The following DOCK10 variants were observed in gnomAD, a reference collection of about 807,000 sequenced individuals.
DOCK10 encodes dedicator of cytokinesis 10, also known as dedicator of cytokinesis protein 10.
In DOCK10, 145 loss-of-function variants were observed where a neutral mutation model predicts 280.1. The ratio of observed to expected loss-of-function variants is 0.52; its 90% CI spans 0.45 to 0.59. The LOEUF (loss-of-function observed/expected upper bound fraction) is 0.59, where lower values mean the gene tolerates loss of function less well. Among genes scored for constraint, DOCK10 ranks in the 20% least tolerant of loss-of-function variants. The pLI is 0.00. For missense variants in DOCK10, 2,368 were observed against 2,651.7 expected (o/e 0.89, Z 2.35); for synonymous variants, 915 against 942.2 (o/e 0.97, Z 0.53).
chr2:224,845,266 G>A lies in DOCK10; in HGVS notation c.2418C>T (p.Asn806=). 1 of 1,588,644 alleles carries A rather than the reference G, an allele frequency of 6.3e-7. No individual in the cohort carries two copies. The highest frequency in any genetic ancestry group is 8.6e-7 in the Non-Finnish European group (1 of 1,165,894). ...GAGGCAGACTTGTTGCTATTGGGAT[G>A]TTGTACTCTTGAGAAGCTATCTGAT... ...KHDQIASQEY[N]IPIATSLPPN... Residue 806 remains asparagine (N), a synonymous_variant, in exon 21 of 56, where the codon AAC becomes AAT. Transcript: ENST00000258390.
chr2:224,789,626 G>C (rs1286018896), intron 47 of DOCK10, among the ~76,000 whole-genome samples: 1 of 152,114 alleles, frequency 6.6e-6, no homozygotes, highest in Non-Finnish European at 1.5e-5. Context: ...TGTAATCCCA[G>C]CTACTTAGGA....
At chr2:224,817,233 A>G (rs1405325123) in intron 29 of DOCK10, among the ~76,000 whole-genome samples, 2 of 152,186 alleles carry the variant, frequency 1.3e-5, no homozygotes, top group African/African-American at 4.8e-5. Context: ...TGCCCTTGCA[A>G]ATAGGTCTGT....
chr2:224,821,588 G>A (rs1234960944), intron 28 of DOCK10, among the ~76,000 whole-genome samples: 1 of 151,634 alleles, frequency 6.6e-6, no homozygotes, highest in African/African-American at 2.4e-5. Flanking sequence ...TTAATATTAT[G>A]TGTCAAATAA....
intron 1 of DOCK10, among the ~76,000 whole-genome samples, chr2:225,001,916 T>C (rs1302109692): frequency 2.6e-5 from 4 of 152,114 alleles, no homozygotes; most frequent in Non-Finnish European, 4.4e-5. Flanking sequence ...CTAACCATCT[T>C]CCATAAGGCC....
intron 3 of DOCK10, among the ~76,000 whole-genome samples, chr2:224,902,781 A>G (rs1257293069): frequency 2.0e-5 from 3 of 152,084 alleles, no homozygotes; most frequent in African/African-American, 4.8e-5. Context: ...GCAGTATACA[A>G]ACCAGTTGAA....
chr2:224,981,358 T>G (rs182148272), intron 1 of DOCK10, among the ~76,000 whole-genome samples: 43 of 152,306 alleles, frequency 2.8e-4, no homozygotes, highest in African/African-American at 9.9e-4. Flanking sequence ...GTAACAGGTA[T>G]TTTTCATTCA....
intron 28 of DOCK10, among the ~76,000 whole-genome samples, chr2:224,821,003 A>G (rs1694471341): frequency 6.6e-6 from 1 of 152,242 alleles, no homozygotes; most frequent in African/African-American, 2.4e-5. Context: ...GTATGTTCAG[A>G]TAAGTAGAGC....
Position 224,796,298 on chromosome 2 carries a change from C to T in DOCK10, c.4938+18G>A. 4.1e-6 allele frequency: 6 copies of T among 1,466,220 alleles called. No homozygotes were observed. The highest frequency in any genetic ancestry group is 5.6e-6 in the Non-Finnish European group (6 of 1,070,954). The allele number at this position is 1,466,220 out of a possible 1,614,324, so 90.8% of individuals were successfully genotyped here. On this transcript the variant is annotated intron_variant, in intron 44 of 55. Transcript: ENST00000258390. ...TTTAAAAAAATTCTGCAGTAAAAGC[C>T]CACAAAGCATTTCTTACTTTCATTT...
At chr2:225,027,995 G>T (rs893039910) in intron 1 of DOCK10, among the ~76,000 whole-genome samples, 4 of 152,136 alleles carry the variant, frequency 2.6e-5, no homozygotes, top group Non-Finnish European at 4.4e-5. Flanking sequence ...GCAGTGCCTC[G>T]GGAAGAGTTA....
intron 1 of DOCK10, among the ~76,000 whole-genome samples, chr2:225,034,928 C>T (rs1054228437): frequency 9.2e-5 from 14 of 152,154 alleles, no homozygotes; most frequent in African/African-American, 3.4e-4. Flanking sequence ...TCTCACCCTC[C>T]ACTTGGTAAT....
At chr2:224,979,494 G>C (rs575630861) in intron 1 of DOCK10, among the ~76,000 whole-genome samples, 2 of 152,182 alleles carry the variant, frequency 1.3e-5, no homozygotes, top group Non-Finnish European at 2.9e-5. Flanking sequence ...TGCCTGACAT[G>C]ATCTGACCCC....
In DOCK10 at chr2:224,967,376, A is replaced by G. The variant is rs145368167; in HGVS notation, c.124-35708T>C. On this transcript the variant is annotated intron_variant, in intron 1 of 55. Coordinates refer to ENST00000258390, the MANE Select transcript of DOCK10 (RefSeq NM_014689.3). The stretch of plus-strand genomic sequence containing the variant: ...ATTACAGGCGTGAGCCACCGCGCCC[A>G]GCCGGCCTATCCTCTAGTCTTATCT... Among the ~76,000 whole-genome samples the G allele has an allele frequency of 9.3e-4, 142 of 152,264 alleles. No individual in the cohort carries two copies. In the East Asian group the frequency reaches 0.011, roughly 12 times the overall value.
chr2:224,938,437 G>C (rs928856811), intron 1 of DOCK10, among the ~76,000 whole-genome samples: 1 of 152,142 alleles, frequency 6.6e-6, no homozygotes, highest in Non-Finnish European at 1.5e-5. Context: ...AACACCACAT[G>C]CTAATTCTTT....
At position 224,865,101 on chromosome 2, in the gene DOCK10, A is replaced by G; in HGVS notation, c.1258-14T>C. 2 of 1,610,294 alleles carry G rather than the reference A, an allele frequency of 1.2e-6. No individual in the cohort carries two copies. The highest frequency in any genetic ancestry group is 1.1e-5 in the South Asian group (1 of 90,832). ...AAAAGGCTCAATCTGCATGAAAAAG[A>G]AAGAACAGATGTTTTTGATATAAAA... On this transcript the variant is annotated splice_polypyrimidine_tract_variant and intron_variant, in intron 11 of 55. Transcript: ENST00000258390.
At chr2:224,907,530 A>G (rs926580038) in intron 3 of DOCK10, among the ~76,000 whole-genome samples, 125 of 152,214 alleles carry the variant, frequency 8.2e-4, no homozygotes, top group African/African-American at 2.9e-3. Flanking sequence ...TACTAAAAAT[A>G]CAAAAAAATT....
intron 1 of DOCK10, among the ~76,000 whole-genome samples, chr2:224,962,819 G>C (rs1430511281): frequency 2.0e-5 from 3 of 152,134 alleles, no homozygotes; most frequent in Admixed American, 1.3e-4. Flanking sequence ...CTGGTACCTT[G>C]AAGTTGGAAT....
At chr2:224,913,798 G>A (rs1293540463) in intron 3 of DOCK10, among the ~76,000 whole-genome samples, 1 of 152,106 alleles carries the variant, frequency 6.6e-6, no homozygotes, top group Non-Finnish European at 1.5e-5. Context: ...CACAATCTCA[G>A]ATCACTGCAA....
intron 3 of DOCK10, among the ~76,000 whole-genome samples, chr2:224,898,473 A>G (rs375824384): frequency 1.3e-5 from 2 of 152,214 alleles, no homozygotes; most frequent in South Asian, 4.1e-4. Context: ...ATCTGGAAGT[A>G]CTGGAATGGA....
chr2:224,863,097 A>G (rs1052063269), intron 13 of DOCK10, among the ~76,000 whole-genome samples: 4 of 152,168 alleles, frequency 2.6e-5, no homozygotes, highest in Non-Finnish European at 4.4e-5. Context: ...TTTATTTGTT[A>G]TGGCAGAGGG....
Sources: allele counts gnomAD v4.1 joint callset (sites outside exome capture counted in the v4.1 genomes callset), GRCh38; gene constraint gnomAD v4.1.1; transcripts MANE v1.5; gene names NCBI Gene and HGNC (gene_info 2026-07-23, HGNC 2026-07-21).